LRRC7: variants seen among roughly 807,000 people sequenced by gnomAD.
LRRC7 encodes leucine rich repeat containing 7.
LRRC7 carries 23 observed loss-of-function variants against 175.7 expected under a neutral mutation model. The ratio of observed to expected loss-of-function variants is 0.13; its 90% CI spans 0.09 to 0.19. The LOEUF is 0.19. Ranked by LOEUF, LRRC7 falls within the 10% of genes least tolerant of loss-of-function variation. The probability of loss-of-function intolerance (pLI) is 1.00; values close to 1 mark genes in which losing one functional copy is unlikely to be tolerated. For missense variants in LRRC7, 1,354 were observed against 1,904.7 expected, an observed-to-expected ratio of 0.71 and a Z score of 5.38; for synonymous variants, 685 against 680.9, an observed-to-expected ratio of 1.01 and a Z score of -0.09.
At chr1:69,953,173 C>T (rs934740434) in intron 8 of LRRC7, among the ~76,000 whole-genome samples, 3 of 152,076 alleles carry the variant, frequency 2.0e-5, no homozygotes, top group Admixed American at 1.3e-4. Flanking sequence ...TCTTTACTAA[C>T]CTAAATTGAA....
chr1:69,780,644 AC>A (rs1459168496), intron 3 of LRRC7, among the ~76,000 whole-genome samples: 1 of 129,210 alleles, frequency 7.7e-6, no homozygotes, highest in African/African-American at 2.8e-5. Context: ...CTCTTTTCTA[AC>A]AAAAAAAATT....
rs77945304 is a variant in LRRC7, at chr1:69,776,774, T to C, written c.304-15269T>C. Among the ~76,000 whole-genome samples the C allele has an allele frequency of 4.8e-3, 727 of 152,050 alleles. 6 individuals are homozygous for C. The highest frequency in any genetic ancestry group is 0.016 in the African/African-American group (683 of 41,462). ...TATTTACTGCTTCTTGCTTTCCTGGTAACAATGCAACCTCACTACCTTGCT... is the reference window on the plus strand; with the variant it reads ...TATTTACTGCTTCTTGCTTTCCTGGCAACAATGCAACCTCACTACCTTGCT... On this transcript the variant is annotated intron_variant, in intron 3 of 26. Transcript: ENST00000651989.
chr1:70,000,924 C>G (rs1445209857), intron 11 of LRRC7, among the ~76,000 whole-genome samples: 1 of 152,184 alleles, frequency 6.6e-6, no homozygotes, highest in Admixed American at 6.6e-5. Flanking sequence ...ATATCTTCCA[C>G]AGTGAGGCCT....
At position 69,928,071 on chromosome 1, in the gene LRRC7, C is replaced by T. The variant is rs140981808; in HGVS notation, c.648-3436C>T. On this transcript the variant is annotated intron_variant, in intron 7 of 26. Coordinates refer to ENST00000651989, the MANE Select transcript of LRRC7 (RefSeq NM_001370785.2). The stretch of plus-strand genomic sequence containing the variant: ...TGTTGGAGTTTGCTAGAGGTCCACA[C>T]GAGACCCTGTTTGCCTGGGTATCAG... Among the ~76,000 whole-genome samples the T allele has an allele frequency of 1.5e-3, 223 of 152,284 alleles. 1 individual carries two copies. Among genetic ancestry groups the T allele is most frequent in the African/African-American group, 5.0e-3 (208 of 41,560 alleles).
At chr1:70,046,872 G>A (rs1660372056) in intron 22 of LRRC7, among the ~76,000 whole-genome samples, 1 of 152,060 alleles carries the variant, frequency 6.6e-6, no homozygotes, top group Non-Finnish European at 1.5e-5. Flanking sequence ...TTAAAATGCA[G>A]TCTCTCCAAT....
chr1:69,625,389 T>TTTTTTTTTTTTTTTTTTTTTTTG (rs1483236177), intron 1 of LRRC7, among the ~76,000 whole-genome samples: 1 of 148,282 alleles, frequency 6.7e-6, no homozygotes, highest in African/African-American at 2.5e-5. Context: ...TTAGGATCTT[T>TTTTTTTTTTTTTTTTTTTTTTTG]ATCAATTTTG....
rs1264336034 is a variant in LRRC7, at chr1:69,568,019, A to G, written c.-621A>G. On this transcript the variant is annotated 5_prime_UTR_variant, in exon 1 of 27. Coordinates refer to ENST00000651989, the MANE Select transcript of LRRC7 (RefSeq NM_001370785.2). ...AGCCACGGACACCCAGCCCCAGTGC[A>G]GCGGGTTCTCGCCGGCGGGACCTGC... 6.6e-6 allele frequency among the ~76,000 whole-genome samples: 1 copy of G among 152,054 alleles called. No individual in the cohort carries two copies. The highest frequency in any genetic ancestry group is 1.5e-5 in the Non-Finnish European group (1 of 68,008).
Position 69,568,573 on chromosome 1 carries a change from G to T in LRRC7, c.-67G>T. 7.5e-7 allele frequency: 1 copy of T among 1,337,532 alleles called. No individual in the cohort carries two copies. Among genetic ancestry groups the T allele is most frequent in the African/African-American group, 1.5e-5 (1 of 65,436 alleles). 82.9% of individuals were successfully genotyped at this position (1,337,532 alleles called of 1,614,324 possible). A position where few individuals can be genotyped will look rare whatever the true frequency, so the allele number is the denominator to read the frequency against. ...CCACTGCGGACCCCTGAACACTTAA[G>T]GAATAACCCTTGGCAGCTGCACGAC... is the stretch of plus-strand genomic sequence containing the variant. On this transcript the variant is annotated 5_prime_UTR_variant, in exon 1 of 27. The change creates a new upstream start codon in the 5' untranslated region. Coordinates refer to ENST00000651989, the MANE Select transcript of LRRC7 (RefSeq NM_001370785.2).
chr1:70,030,487 C>G (rs2102001678), intron 18 of LRRC7, among the ~76,000 whole-genome samples: 1 of 152,290 alleles, frequency 6.6e-6, no homozygotes, highest in Admixed American at 6.5e-5. Context: ...CTCAAATTAA[C>G]TGCAGCCAAA....
At chr1:69,950,674 G>A (rs981874949) in intron 8 of LRRC7, among the ~76,000 whole-genome samples, 1 of 151,952 alleles carries the variant, frequency 6.6e-6, no homozygotes, top group Non-Finnish European at 1.5e-5. Flanking sequence ...AATTTTAATA[G>A]AAACAGACGG....
At chr1:69,859,045 C>G (rs1454898149) in intron 7 of LRRC7, among the ~76,000 whole-genome samples, 4 of 152,242 alleles carry the variant, frequency 2.6e-5, no homozygotes. Context: ...AAATTTCACT[C>G]TTAACCCCAG....
At chr1:69,730,918 A>G (rs986340203) in intron 2 of LRRC7, among the ~76,000 whole-genome samples, 2 of 152,122 alleles carry the variant, frequency 1.3e-5, no homozygotes, top group African/African-American at 4.8e-5. Flanking sequence ...GAAAACTTAC[A>G]ATCATAACAG....
At chr1:70,072,501 T>C (rs1181237053) in intron 23 of LRRC7, among the ~76,000 whole-genome samples, 1 of 152,202 alleles carries the variant, frequency 6.6e-6, no homozygotes, top group East Asian at 1.9e-4. Flanking sequence ...TTTAAAAAAT[T>C]GTGTAATTCT....
chr1:70,056,761 G>C (rs543312113), intron 23 of LRRC7, among the ~76,000 whole-genome samples: 1 of 152,152 alleles, frequency 6.6e-6, no homozygotes, highest in South Asian at 2.1e-4. Context: ...GGCTTTGTCT[G>C]ATCAGTTGGC....
chr1:70,124,457 G>A lies in LRRC7; in HGVS notation c.*2570G>A, dbSNP rs554500761. Among the ~76,000 whole-genome samples, 57 of 152,252 alleles carry A rather than the reference G, an allele frequency of 3.7e-4. 1 individual carries two copies. The South Asian group carries it at 0.011, about 30-fold the overall frequency. On this transcript the variant is annotated 3_prime_UTR_variant, in exon 27 of 27. Transcript: ENST00000651989. ...GAATCAATCGCTTGACCTGGGAGGC[G>A]GAGGTTGCAGTGAGCTGAGATTGTG... is the stretch of plus-strand genomic sequence containing the variant.
chr1:69,900,222 C>T (rs1437364256), intron 7 of LRRC7, among the ~76,000 whole-genome samples: 4 of 152,034 alleles, frequency 2.6e-5, no homozygotes, highest in African/African-American at 9.7e-5. Flanking sequence ...GCCTGTGAGA[C>T]GGGTATGGAA....
chr1:70,049,249 A>G (rs1009126), intron 22 of LRRC7, among the ~76,000 whole-genome samples: 303 of 152,244 alleles, frequency 2.0e-3, no homozygotes, highest in Non-Finnish European at 3.5e-3. Flanking sequence ...TCATCCTACC[A>G]GATTTTGAGT....
chr1:70,079,739 A>G (rs776982787), intron 24 of LRRC7, among the ~76,000 whole-genome samples: 21 of 152,172 alleles, frequency 1.4e-4, no homozygotes, highest in Non-Finnish European at 3.1e-4. Flanking sequence ...AGAGTTGCAT[A>G]AGGTCCTGCA....
chr1:69,927,175 C>A (rs1283715827), intron 7 of LRRC7, among the ~76,000 whole-genome samples: 1 of 152,198 alleles, frequency 6.6e-6, no homozygotes. Flanking sequence ...GCCAAGAGAT[C>A]CCATGTTAGT....
Sources: gnomAD v4.1 joint callset for allele counts (sites outside exome capture counted in the v4.1 genomes callset) on GRCh38, gnomAD v4.1.1 for gene constraint, MANE v1.5 for transcripts, NCBI Gene and HGNC (gene_info 2026-07-23, HGNC 2026-07-21) for gene names.